NBPF15: variants seen among roughly 807,000 people sequenced by gnomAD.
The protein encoded by NBPF15 is NBPF member 15.
Under a neutral mutation model 62.2 loss-of-function variants are expected in NBPF15, and 74 were observed. The observed-to-expected ratio is 1.19, with a 90% CI of 0.99 to 1.44. The LOEUF (loss-of-function observed/expected upper bound fraction) is 1.44. Ranked by LOEUF, NBPF15 falls within the 40% of genes most tolerant of loss-of-function variation. The pLI is 0.00. For synonymous variants in NBPF15, 244 were observed against 209.7 expected, an observed-to-expected ratio of 1.16 and a Z score of -1.41; for missense variants, 790 against 550.0, an observed-to-expected ratio of 1.44 and a Z score of -4.36.
At chr1:144,450,394 G>C (rs1373427531) in intron 5 of NBPF15, among the ~76,000 whole-genome samples, 3 of 151,992 alleles carry the variant, frequency 2.0e-5, no homozygotes, top group Middle Eastern at 6.8e-3. Flanking sequence ...GGCCTCTGGA[G>C]TCAGAGTGTC....
chr1:144,447,847 A>G (rs1262963056), intron 6 of NBPF15, among the ~76,000 whole-genome samples: 2 of 152,072 alleles, frequency 1.3e-5, no homozygotes, highest in South Asian at 4.1e-4. Flanking sequence ...GGGCTGGTAC[A>G]GCCTCGCTCA....
At chr1:144,428,395 T>A (rs1361173083) in intron 15 of NBPF15, among the ~76,000 whole-genome samples, 2 of 152,022 alleles carry the variant, frequency 1.3e-5, no homozygotes, top group Non-Finnish European at 2.9e-5. Flanking sequence ...TGAGGTATGG[T>A]CAACCTTCAC....
In NBPF15 at chr1:144,423,177, T is replaced by C. The variant is rs782098064; in HGVS notation, c.1849A>G (p.Met617Val). The C allele has an allele frequency of 3.1e-6, 5 of 1,611,486 alleles. 1 individual carries two copies. In the South Asian group the frequency reaches 4.4e-5, roughly 14 times the overall value. The change falls in exon 22 of 22, where the codon ATG becomes GTG. Residue 617 changes from methionine to valine, a missense_variant. Physicochemically the swap from Met to Val is conservative, Grantham distance 21 (BLOSUM62 1). Coordinates refer to ENST00000581897, the MANE Select transcript of NBPF15 (RefSeq NM_001385408.1). The part of the protein sequence containing the change: ...SLDRCYSTPS[M>V]YFEQPDSFQH... ...AATGAGTCAGGTTGTTCAAAGTACATTGACGGAGTCGAATAACATCTATCC... is the reference window on the plus strand; with the variant it reads ...AATGAGTCAGGTTGTTCAAAGTACACTGACGGAGTCGAATAACATCTATCC...
At position 144,440,154 on chromosome 1, in the gene NBPF15, G is replaced by C; in HGVS notation, c.-49C>G. 6.3e-7 allele frequency: 1 copy of C among 1,578,350 alleles called. No individual in the cohort carries two copies. The highest frequency in any genetic ancestry group is 8.6e-7 in the Non-Finnish European group (1 of 1,156,364). On this transcript the variant is annotated 5_prime_UTR_variant, in exon 7 of 22. Coordinates refer to ENST00000581897, the MANE Select transcript of NBPF15 (RefSeq NM_001385408.1). Reference sequence around the variant, plus strand: ...TTCTTAACTTACTGTTGTCAAAAATGTGATCACTCCCCACAGCACTTTAGG... The same window carrying C: ...TTCTTAACTTACTGTTGTCAAAAATCTGATCACTCCCCACAGCACTTTAGG...
chr1:144,439,362 G>A (rs1421644050), intron 8 of NBPF15, among the ~76,000 whole-genome samples: 2 of 152,000 alleles, frequency 1.3e-5, no homozygotes, highest in Non-Finnish European at 2.9e-5. Flanking sequence ...GCCCCTCAGA[G>A]CAGGTACTGG....
chr1:144,431,084 C>G (rs1189720497), intron 13 of NBPF15, among the ~76,000 whole-genome samples: 6 of 151,360 alleles, frequency 4.0e-5, no homozygotes, highest in Non-Finnish European at 7.4e-5. Context: ...GTGGAAAGAC[C>G]AAATCTACGT....
intron 12 of NBPF15, 79 bp downstream of exon 12, chr1:144,435,032 G>C: frequency 1.2e-6 from 2 of 1,610,834 alleles, no homozygotes; most frequent in Non-Finnish European, 1.7e-6. Flanking sequence ...AAATGAATTT[G>C]TGTTGATAGA....
chr1:144,434,545 T>G, intron 12 of NBPF15, among the ~76,000 whole-genome samples: 1 of 141,724 alleles, frequency 7.1e-6, no homozygotes. Flanking sequence ...AAAGAAACAT[T>G]GGATCAGCCA....
chr1:144,443,385 AGAGT>A (rs1685001563), intron 6 of NBPF15, among the ~76,000 whole-genome samples: 1 of 151,894 alleles, frequency 6.6e-6, no homozygotes, highest in South Asian at 2.1e-4. Context: ...GAAATCTAGC[AGAGT>A]AAGTCCTCCA....
At position 144,424,718 on chromosome 1, in the gene NBPF15, T is replaced by C. The variant is rs1428260331; in HGVS notation, c.1635A>G (p.Lys545=). 1 of 612,758 alleles carries C rather than the reference T, an allele frequency of 1.6e-6. No individual in the cohort carries two copies. Among genetic ancestry groups the C allele is most frequent in the Non-Finnish European group, 2.8e-6 (1 of 352,314 alleles). The allele number at this position is 612,758 out of a possible 1,614,324, so 38.0% of individuals were successfully genotyped here. Residue 545 remains lysine (K), a synonymous_variant, in exon 20 of 22, where the codon AAA becomes AAG. Coordinates refer to ENST00000581897, the MANE Select transcript of NBPF15 (RefSeq NM_001385408.1). ...YGSSFYALEE[K]HVGFSLDVGE... ...CCACGTCAAGAGAAAAGCCAACATG[T>C]TTTTCCTCCAATGCATAAAAGGAAC...
At chr1:144,438,674 T>C (rs2102162736) in intron 8 of NBPF15, among the ~76,000 whole-genome samples, 1 of 152,106 alleles carries the variant, frequency 6.6e-6, no homozygotes, top group South Asian at 2.1e-4. Flanking sequence ...GTGTTTACTG[T>C]GTGCCAATAA....
chr1:144,430,919 C>T (rs1421097380), intron 13 of NBPF15, among the ~76,000 whole-genome samples: 31 of 152,002 alleles, frequency 2.0e-4, no homozygotes, highest in Non-Finnish European at 8.8e-5. Flanking sequence ...ACGAGAACTA[C>T]GTGGTGCATG....
intron 20 of NBPF15, 114 bp from the exon 21 acceptor site, chr1:144,424,089 C>A (rs1341543152): frequency 9.3e-6 from 7 of 754,588 alleles, no homozygotes; most frequent in Admixed American, 5.2e-5. Flanking sequence ...AAGAATACGA[C>A]ACCATGAGAG....
chr1:144,429,146 C>T (rs1246518197), intron 14 of NBPF15, among the ~76,000 whole-genome samples: 1 of 151,578 alleles, frequency 6.6e-6, no homozygotes, highest in African/African-American at 2.4e-5. Flanking sequence ...GAAAAGTCAG[C>T]CGTTTATCTA....
At chr1:144,428,071 T>C in intron 15 of NBPF15, 81 bp from the exon 16 acceptor site, 1 of 776,926 alleles carries the variant, frequency 1.3e-6, no homozygotes, top group Non-Finnish European at 2.4e-6. Context: ...ATGGCTAACA[T>C]AAGGAAGAGT....
At chr1:144,447,783 G>A (rs1688617463) in intron 6 of NBPF15, among the ~76,000 whole-genome samples, 1 of 152,170 alleles carries the variant, frequency 6.6e-6, no homozygotes, top group African/African-American at 2.4e-5. Flanking sequence ...GTATTATAAA[G>A]GGCTAGTTTA....
At chr1:144,442,026 G>A (rs1467814757) in intron 6 of NBPF15, among the ~76,000 whole-genome samples, 1 of 146,190 alleles carries the variant, frequency 6.8e-6, no homozygotes, top group Non-Finnish European at 1.5e-5. Flanking sequence ...TGAGGGCTGG[G>A]GGAGGGATAG....
intron 13 of NBPF15, among the ~76,000 whole-genome samples, chr1:144,430,893 A>T (rs1399790898): frequency 4.6e-5 from 7 of 152,074 alleles, no homozygotes; most frequent in Non-Finnish European, 8.8e-5. Context: ...GACCTGATGG[A>T]GCTGAAAACC....
intron 20 of NBPF15, among the ~76,000 whole-genome samples, chr1:144,424,438 G>C (rs1168232339): frequency 6.6e-6 from 1 of 151,982 alleles, no homozygotes; most frequent in Middle Eastern, 3.4e-3. Context: ...ATCTGCCCAG[G>C]TCCAATGTCA....
Sources: gnomAD v4.1 joint callset for allele counts (sites outside exome capture counted in the v4.1 genomes callset) on GRCh38, gnomAD v4.1.1 for gene constraint, MANE v1.5 for transcripts, NCBI Gene and HGNC (gene_info 2026-07-23, HGNC 2026-07-21) for gene names.